Variants in CADM2 observed in about 807,000 individuals in gnomAD.
The protein encoded by CADM2 is cell adhesion molecule 2.
In CADM2, 12 loss-of-function variants were observed where a neutral mutation model predicts 49.8. That is an observed-to-expected ratio of 0.24 (90% CI 0.15 to 0.39). CADM2 has a LOEUF of 0.39. Among genes scored for constraint, CADM2 ranks in the 10% least tolerant of loss-of-function variants. CADM2 has a pLI of 1.00. For missense variants in CADM2, 378 were observed against 492.3 expected (o/e 0.77, Z 2.20); for synonymous variants, 214 against 175.4 (o/e 1.22, Z -1.74).
At chr3:85,739,196 A>G (rs1227165429) in intron 2 of CADM2, among the ~76,000 whole-genome samples, 1 of 152,038 alleles carries the variant, frequency 6.6e-6, no homozygotes, top group Non-Finnish European at 1.5e-5. Context: ...ACTTATACTG[A>G]TTTCCATACC....
At chr3:85,229,289 C>T (rs1022641241) in intron 1 of CADM2, among the ~76,000 whole-genome samples, 1 of 152,160 alleles carries the variant, frequency 6.6e-6, no homozygotes, top group Non-Finnish European at 1.5e-5. Flanking sequence ...GAGGGAATCT[C>T]CTGGTATGCT....
In CADM2 at chr3:85,413,119, C is replaced by T. The variant is rs925407726; in HGVS notation, c.62-313403C>T. On this transcript the variant is annotated intron_variant, in intron 1 of 9. Transcript: ENST00000383699. ...TCGCACCACTGCACTCCAGCCTGGG[C>T]GACAGCAAGACTCCGTCTCAAAAAA... Among the ~76,000 whole-genome samples, 24 of 103,122 alleles carry T rather than the reference C, an allele frequency of 2.3e-4. No homozygotes were observed. The Admixed American group carries it at 3.2e-3, about 14-fold the overall frequency. The allele number at this position is 103,122 out of a possible 152,430, so 67.7% of individuals were successfully genotyped here. A position where few individuals can be genotyped will look rare whatever the true frequency, so the allele number is the denominator to read the frequency against.
intron 1 of CADM2, among the ~76,000 whole-genome samples, chr3:85,301,092 C>G (rs2044087106): frequency 1.3e-5 from 2 of 151,962 alleles, no homozygotes; most frequent in Admixed American, 1.3e-4. Context: ...CAATAAGATA[C>G]AAACGACATT....
intron 1 of CADM2, among the ~76,000 whole-genome samples, chr3:85,311,523 C>G (rs964612538): frequency 2.6e-5 from 4 of 151,826 alleles, no homozygotes; most frequent in African/African-American, 4.8e-5. Flanking sequence ...CTACAGCACC[C>G]GCCACCACCC....
At chr3:85,180,514 GAAAAAAAAA>G (rs58932967) in intron 1 of CADM2, among the ~76,000 whole-genome samples, 5 of 77,310 alleles carry the variant, frequency 6.5e-5, no homozygotes, top group African/African-American at 2.0e-4. Flanking sequence ...GTCTCAAAAA[GAAAAAAAAA>G]AAAAAAAAAA....
chr3:86,072,118 T>A lies in CADM2; in HGVS notation c.*5335T>A, dbSNP rs1276160860. The A allele has an allele frequency of 6.6e-6, 1 of 151,904 alleles. No homozygotes were observed. Among genetic ancestry groups the A allele is most frequent in the African/African-American group, 2.4e-5 (1 of 41,420 alleles). The allele number at this position is 151,904 out of a possible 1,614,324, so 9.4% of individuals were successfully genotyped here. ...TATTAAGAATTTTTCAATGATGTAATTTAATTATCCTAAAAGAAATGACAG... is the reference window on the plus strand; with the variant it reads ...TATTAAGAATTTTTCAATGATGTAAATTAATTATCCTAAAAGAAATGACAG... On this transcript the variant is annotated 3_prime_UTR_variant, in exon 10 of 10. Coordinates refer to ENST00000383699, the MANE Select transcript of CADM2 (RefSeq NM_001167675.2).
intron 3 of CADM2, among the ~76,000 whole-genome samples, chr3:85,865,886 G>A (rs1353621302): frequency 6.6e-6 from 1 of 152,122 alleles, no homozygotes; most frequent in Non-Finnish European, 1.5e-5. Flanking sequence ...CAAGAAATAT[G>A]ACATTTCAGT....
At position 85,210,293 on chromosome 3, in the gene CADM2, T is replaced by C. The variant is rs971289208; in HGVS notation, c.61+250625T>C. On this transcript the variant is annotated intron_variant, in intron 1 of 9. Transcript: ENST00000383699. ...TATCACATTGATTGATTTGTGTATGTTGAACCATCCATGTCTCCCTGGGGT... is the reference window on the plus strand; with the variant it reads ...TATCACATTGATTGATTTGTGTATGCTGAACCATCCATGTCTCCCTGGGGT... Among the ~76,000 whole-genome samples, 7 of 152,206 alleles carry C rather than the reference T, an allele frequency of 4.6e-5. 1 individual carries two copies. The South Asian group carries it at 6.2e-4, about 13-fold the overall frequency.
At chr3:85,929,942 A>G (rs576368434) in intron 6 of CADM2, among the ~76,000 whole-genome samples, 32 of 152,028 alleles carry the variant, frequency 2.1e-4, no homozygotes, top group Non-Finnish European at 3.7e-4. Context: ...CAAAACCAAA[A>G]TTACTTCCTG....
intron 3 of CADM2, among the ~76,000 whole-genome samples, chr3:85,849,391 T>C (rs1014271435): frequency 3.3e-5 from 5 of 152,224 alleles, no homozygotes; most frequent in South Asian, 2.1e-4. Context: ...TATTTCTATT[T>C]TCTGAAGAAT....
intron 1 of CADM2, among the ~76,000 whole-genome samples, chr3:85,579,324 T>A (rs1174933432): frequency 1.2e-4 from 18 of 152,154 alleles, no homozygotes; most frequent in Admixed American, 1.2e-3. Context: ...CTAGGACTCT[T>A]TCTTTATTCC....
chr3:85,119,284 C>T (rs6808586), intron 1 of CADM2, among the ~76,000 whole-genome samples: 55,977 of 151,932 alleles, frequency 0.37, 13,445 homozygotes, highest in Non-Finnish European at 0.54. Flanking sequence ...ACATGCGGAC[C>T]TATAGTACCA....
chr3:85,219,857 A>G (rs957754119), intron 1 of CADM2, among the ~76,000 whole-genome samples: 9 of 152,142 alleles, frequency 5.9e-5, no homozygotes, highest in African/African-American at 1.4e-4. Flanking sequence ...ATAATGGTAG[A>G]GACATGATAT....
At chr3:85,102,277 G>C (rs2038044241) in intron 1 of CADM2, among the ~76,000 whole-genome samples, 1 of 151,882 alleles carries the variant, frequency 6.6e-6, no homozygotes, top group South Asian at 2.1e-4. Flanking sequence ...ATAAACATTT[G>C]GGTCATGAAT....
chr3:85,241,074 T>G (rs2042519997), intron 1 of CADM2, among the ~76,000 whole-genome samples: 1 of 151,472 alleles, frequency 6.6e-6, no homozygotes, highest in South Asian at 2.1e-4. Flanking sequence ...GTGTTGGAAT[T>G]GACCCTTTTA....
chr3:85,921,737 G>A (rs1315307209), intron 6 of CADM2, among the ~76,000 whole-genome samples: 2 of 151,554 alleles, frequency 1.3e-5, no homozygotes, highest in African/African-American at 2.4e-5. Flanking sequence ...TGTGTATAAT[G>A]TCATGTATCT....
intron 1 of CADM2, among the ~76,000 whole-genome samples, chr3:85,097,530 G>A (rs571648899): frequency 2.6e-5 from 4 of 152,288 alleles, no homozygotes; most frequent in Non-Finnish European, 5.9e-5. Flanking sequence ...TGGGATGGCC[G>A]GGTCAAATGG....
At chr3:85,882,851 G>A (rs1259639447) in intron 3 of CADM2, among the ~76,000 whole-genome samples, 1 of 152,160 alleles carries the variant, frequency 6.6e-6, no homozygotes, top group Non-Finnish European at 1.5e-5. Flanking sequence ...ACTGCAGAGA[G>A]CTTGTAATAG....
chr3:85,737,214 A>G (rs1041029397), intron 2 of CADM2, among the ~76,000 whole-genome samples: 4 of 152,168 alleles, frequency 2.6e-5, no homozygotes, highest in Non-Finnish European at 5.9e-5. Flanking sequence ...TATTACTGGA[A>G]TAATAAGATA....
Sources: allele counts gnomAD v4.1 joint callset (sites outside exome capture counted in the v4.1 genomes callset), GRCh38; gene constraint gnomAD v4.1.1; transcripts MANE v1.5; gene names NCBI Gene and HGNC (gene_info 2026-07-23, HGNC 2026-07-21).